PRKN: variants seen among roughly 807,000 people sequenced by gnomAD.
The protein encoded by PRKN is parkin RBR E3 ubiquitin protein ligase, also known as E3 ubiquitin-protein ligase parkin.
Under a neutral mutation model 59.5 loss-of-function variants are expected in PRKN, and 56 were observed. The observed-to-expected ratio is 0.94, with a 90% CI of 0.76 to 1.18. The LOEUF is 1.18. Ranked by LOEUF, PRKN falls within the 50% of genes most tolerant of loss-of-function variation. The pLI, the probability that PRKN is intolerant of heterozygous loss-of-function variation, is 0.00. For missense variants in PRKN, 657 were observed against 596.4 expected, an observed-to-expected ratio of 1.10 and a Z score of -1.06; for synonymous variants, 250 against 222.1, an observed-to-expected ratio of 1.13 and a Z score of -1.12.
rs1448788241 is a variant in PRKN, at chr6:161,429,535, A to G, written c.1084-42658T>C. On this transcript the variant is annotated intron_variant, in intron 9 of 11. Transcript: ENST00000366898. This position sits in a 1 kb window ranked among gnomAD's most constrained non-coding sequence, Gnocchi z 4.2. The stretch of plus-strand genomic sequence containing the variant: ...GGATGTTGCTAGAAGAAGGAAATGG[A>G]AGCAAGTTCCAGAGCTCAGAAAACA... Among the ~76,000 whole-genome samples, 2 of 152,156 alleles carry G rather than the reference A, an allele frequency of 1.3e-5. No individual in the cohort carries two copies. The highest frequency in any genetic ancestry group is 4.8e-5 in the African/African-American group (2 of 41,422).
At position 161,740,204 on chromosome 6, in the gene PRKN, G is replaced by A. The variant is rs541706454; in HGVS notation, c.871+45568C>T. On this transcript the variant is annotated intron_variant, in intron 7 of 11. Coordinates refer to ENST00000366898, the MANE Select transcript of PRKN (RefSeq NM_004562.3). Reference sequence around the variant, plus strand: ...GGAAAAGATATACTTTCCTTTAAGTGCTTTTGAAATATTAAAAATAGCACC... The same window carrying A: ...GGAAAAGATATACTTTCCTTTAAGTACTTTTGAAATATTAAAAATAGCACC... Among the ~76,000 whole-genome samples the A allele has an allele frequency of 8.5e-5, 13 of 152,300 alleles. 1 individual carries two copies. Among genetic ancestry groups the A allele is most frequent in the African/African-American group, 2.9e-4 (12 of 41,548 alleles).
chr6:161,952,912 G>A (rs1303423731), intron 6 of PRKN, among the ~76,000 whole-genome samples: 1 of 152,088 alleles, frequency 6.6e-6, no homozygotes, highest in African/African-American at 2.4e-5. Context: ...ACAATGAAAG[G>A]GTAAAAGTAG....
chr6:161,628,100 G>T (rs773003695), intron 7 of PRKN, among the ~76,000 whole-genome samples: 1 of 152,028 alleles, frequency 6.6e-6, no homozygotes, highest in Non-Finnish European at 1.5e-5. Flanking sequence ...TCTAAATATT[G>T]ATTTATTGCT....
At chr6:162,023,721 T>A (rs1425162124) in intron 5 of PRKN, among the ~76,000 whole-genome samples, 1 of 151,966 alleles carries the variant, frequency 6.6e-6, no homozygotes. Context: ...AATGCAACAT[T>A]TGGGCCCGAA....
chr6:161,742,544 G>A (rs73783381), intron 7 of PRKN, among the ~76,000 whole-genome samples: 2,687 of 152,228 alleles, frequency 0.018, 87 homozygotes, highest in African/African-American at 0.062. Context: ...AACACCTCCA[G>A]GGTCTTCCCA....
chr6:162,423,690 G>A (rs761380394), intron 2 of PRKN, among the ~76,000 whole-genome samples: 20 of 152,070 alleles, frequency 1.3e-4, no homozygotes, highest in African/African-American at 4.3e-4. Flanking sequence ...GGAACTGGTC[G>A]TCATCAGAAA....
intron 4 of PRKN, among the ~76,000 whole-genome samples, chr6:162,138,440 C>CT (rs1379800902): frequency 2.6e-5 from 4 of 152,094 alleles, no homozygotes; most frequent in Admixed American, 6.6e-5. Context: ...TAAAGACAAA[C>CT]TTTTTTTAAA....
At chr6:161,511,670 A>G (rs1235861478) in intron 9 of PRKN, among the ~76,000 whole-genome samples, 1 of 152,218 alleles carries the variant, frequency 6.6e-6, no homozygotes, top group African/African-American at 2.4e-5. Flanking sequence ...AGCAAATAAC[A>G]GCACTGACCT....
At chr6:162,083,775 C>A (rs1779152960) in intron 4 of PRKN, among the ~76,000 whole-genome samples, 1 of 151,994 alleles carries the variant, frequency 6.6e-6, no homozygotes, top group African/African-American at 2.4e-5. Flanking sequence ...ACCCTTCATT[C>A]TCTTTTACCT....
intron 7 of PRKN, among the ~76,000 whole-genome samples, chr6:161,618,729 G>T (rs1039835145): frequency 6.6e-6 from 1 of 152,106 alleles, no homozygotes; most frequent in East Asian, 1.9e-4. Context: ...CACTCAAACT[G>T]CTTTCTTTCA....
chr6:162,664,600 A>G (rs1415458172), intron 1 of PRKN, among the ~76,000 whole-genome samples: 40 of 152,066 alleles, frequency 2.6e-4, no homozygotes, highest in Admixed American at 2.6e-3. Flanking sequence ...CTGGCGTGGC[A>G]TGGTATCTCA....
chr6:162,449,802 C>CA (rs1305836165), intron 1 of PRKN, among the ~76,000 whole-genome samples: 3 of 151,894 alleles, frequency 2.0e-5, no homozygotes, highest in African/African-American at 7.3e-5. Context: ...AACCCTCCTG[C>CA]AAAAAAACTA....
chr6:161,724,527 G>C (rs926306586), intron 7 of PRKN, among the ~76,000 whole-genome samples: 1 of 152,182 alleles, frequency 6.6e-6, no homozygotes, highest in East Asian at 1.9e-4. Flanking sequence ...TGCAATTTCT[G>C]CTCAAATTTT....
intron 1 of PRKN, among the ~76,000 whole-genome samples, chr6:162,508,638 C>T (rs192828547): frequency 5.3e-5 from 8 of 152,272 alleles, no homozygotes; most frequent in African/African-American, 1.9e-4. Flanking sequence ...TGTTTGTAAG[C>T]CATGAGGCCC....
At chr6:162,551,322 G>A in intron 1 of PRKN, among the ~76,000 whole-genome samples, 1 of 152,076 alleles carries the variant, frequency 6.6e-6, no homozygotes, top group East Asian at 1.9e-4. Flanking sequence ...AAGTTAAATG[G>A]AATTTAAGGA....
At chr6:162,475,503 G>A (rs1023160605) in intron 1 of PRKN, among the ~76,000 whole-genome samples, 3 of 152,230 alleles carry the variant, frequency 2.0e-5, no homozygotes. Flanking sequence ...GCAGTGAGAA[G>A]ATAGAGACGT....
chr6:162,562,385 G>C (rs1779879906), intron 1 of PRKN, among the ~76,000 whole-genome samples: 1 of 152,158 alleles, frequency 6.6e-6, no homozygotes, highest in Admixed American at 6.5e-5. Flanking sequence ...AAAATGCCAA[G>C]TGTGCTCTTG....
intron 1 of PRKN, among the ~76,000 whole-genome samples, chr6:162,479,216 A>C (rs1389471168): frequency 2.0e-5 from 3 of 151,526 alleles, no homozygotes; most frequent in South Asian, 2.1e-4. Flanking sequence ...AAAAAAAAAC[A>C]ACCTTTAAAA....
intron 4 of PRKN, among the ~76,000 whole-genome samples, chr6:162,089,882 G>A (rs1357157555): frequency 6.6e-6 from 1 of 152,164 alleles, no homozygotes; most frequent in African/African-American, 2.4e-5. Flanking sequence ...TCGGGGAAGA[G>A]GGAAGTGAGC....
Sources: allele counts gnomAD v4.1 joint callset (sites outside exome capture counted in the v4.1 genomes callset), GRCh38; gene constraint gnomAD v4.1.1; non-coding constraint Gnocchi (gnomAD v3.1); transcripts MANE v1.5; gene names NCBI Gene and HGNC (gene_info 2026-07-23, HGNC 2026-07-21).